FHOD3: variants seen among roughly 807,000 people sequenced by gnomAD.
FHOD3 encodes FH1/FH2 domain-containing protein 3.
A neutral mutation model predicts 173.0 loss-of-function variants in FHOD3; 90 were observed. The observed-to-expected ratio is 0.52, with a 90% CI of 0.44 to 0.62. FHOD3 has a LOEUF of 0.62. FHOD3 is among the 20% of genes least tolerant of loss of function. The pLI is 0.00. For synonymous variants in FHOD3, 828 were observed against 823.0 expected (o/e 1.01, Z -0.10); for missense variants, 1,945 against 2,034.7 (o/e 0.96, Z 0.85).
chr18:36,493,228 T>C (rs2054560591), intron 3 of FHOD3, among the ~76,000 whole-genome samples: 1 of 151,566 alleles, frequency 6.6e-6, no homozygotes, highest in Non-Finnish European at 1.5e-5. Flanking sequence ...TTTTTTTTTT[T>C]TTTACAACTT....
At position 36,612,031 on chromosome 18, in the gene FHOD3, C is replaced by T; in HGVS notation, c.893C>T (p.Ser298Phe). The change falls in exon 9 of 29, where the codon TCC becomes TTC. Residue 298 changes from serine to phenylalanine, a missense_variant. Ser to Phe is a radical substitution (Grantham distance 155). This residue lies in a region of FHOD3 where 1,099 missense variants were observed against 1,051.2 expected (regional missense o/e 1.05). Coordinates refer to ENST00000590592, the MANE Select transcript of FHOD3 (RefSeq NM_001281740.3). The stretch of plus-strand genomic sequence containing the variant: ...GAGGAGCTGGGCATTGCTGCTGTGT[C>T]CCAGAGGCACTTGAACAAGAAAGGG... ...CLEELGIAAV[S>F]QRHLNKKGTD... is the part of the protein sequence containing the mutation. 6.2e-7 allele frequency: 1 copy of T among 1,614,114 alleles called. No homozygotes were observed. The highest frequency in any genetic ancestry group is 1.3e-5 in the African/African-American group (1 of 75,028).
At position 36,769,257 on chromosome 18, in the gene FHOD3, AT is replaced by A; in HGVS notation, c.4625-3del. 2 of 1,613,576 alleles carry A rather than the reference AT, an allele frequency of 1.2e-6. No individual in the cohort carries two copies. The highest frequency in any genetic ancestry group is 1.7e-6 in the Non-Finnish European group (2 of 1,179,740). On this transcript the variant is annotated splice_polypyrimidine_tract_variant and splice_region_variant and intron_variant, in intron 27 of 28. Coordinates refer to ENST00000590592, the MANE Select transcript of FHOD3 (RefSeq NM_001281740.3). ...GTATGTTGTGCACTCTGGCTGTTTA[AT>A]TTTTAGGATCCACTAGTTCCTGGAC... is the stretch of plus-strand genomic sequence containing the variant.
intron 2 of FHOD3, among the ~76,000 whole-genome samples, chr18:36,364,454 C>T (rs1007431597): frequency 1.3e-5 from 2 of 152,118 alleles, no homozygotes; most frequent in Non-Finnish European, 2.9e-5. Flanking sequence ...GCCAGACGCT[C>T]GAGGGCACAG....
At chr18:36,622,353 T>G (rs2033781528) in intron 9 of FHOD3, among the ~76,000 whole-genome samples, 1 of 152,090 alleles carries the variant, frequency 6.6e-6, no homozygotes, top group African/African-American at 2.4e-5. Context: ...CTACAATAAA[T>G]AAAAAGAAAA....
intron 27 of FHOD3, among the ~76,000 whole-genome samples, chr18:36,763,466 T>C (rs1477199738): frequency 6.9e-6 from 1 of 144,142 alleles, no homozygotes; most frequent in East Asian, 1.9e-4. Flanking sequence ...ATTATACACG[T>C]TATATATAAT....
chr18:36,747,395 C>T (rs190045029), intron 24 of FHOD3, among the ~76,000 whole-genome samples: 10 of 152,304 alleles, frequency 6.6e-5, no homozygotes, highest in East Asian at 1.9e-4. Flanking sequence ...TCAGGAACTG[C>T]GTCTGTAAGA....
At chr18:36,769,199 C>A in intron 27 of FHOD3, 66 bp from the exon 28 acceptor site, 1 of 1,560,652 alleles carries the variant, frequency 6.4e-7, no homozygotes, top group Non-Finnish European at 8.7e-7. Flanking sequence ...TGGAGGAATA[C>A]TGCTGCATAT....
intron 17 of FHOD3, among the ~76,000 whole-genome samples, chr18:36,704,765 G>A (rs984599927): frequency 9.2e-5 from 14 of 152,132 alleles, no homozygotes; most frequent in African/African-American, 3.4e-4. Flanking sequence ...GGCAGTTCCT[G>A]TGAAGTGCTC....
intron 3 of FHOD3, among the ~76,000 whole-genome samples, chr18:36,429,144 C>T (rs2050402334): frequency 6.6e-6 from 1 of 152,128 alleles, no homozygotes; most frequent in Admixed American, 6.5e-5. Context: ...AAGTCCCTGC[C>T]ACCAGGAAGT....
chr18:36,359,650 G>C (rs1007627573), intron 2 of FHOD3, among the ~76,000 whole-genome samples: 1 of 152,162 alleles, frequency 6.6e-6, no homozygotes, highest in Non-Finnish European at 1.5e-5. Flanking sequence ...GAGGGGTCCT[G>C]ATGGGGTCTC....
intron 3 of FHOD3, among the ~76,000 whole-genome samples, chr18:36,478,516 A>AT (rs1024344085): frequency 2.7e-5 from 4 of 145,652 alleles, no homozygotes; most frequent in Non-Finnish European, 4.6e-5. Context: ...CATTCTTTCT[A>AT]TTTTTTTTGT....
At chr18:36,479,080 C>T (rs1196974764) in intron 3 of FHOD3, among the ~76,000 whole-genome samples, 1 of 152,206 alleles carries the variant, frequency 6.6e-6, no homozygotes, top group Non-Finnish European at 1.5e-5. Context: ...TCCTGCGTGT[C>T]CCTTTCCAGT....
rs183233412 is a variant in FHOD3 at position 36,423,669 on chromosome 18, A to G, written c.337+50925A>G. On this transcript the variant is annotated intron_variant, in intron 3 of 28. Coordinates refer to ENST00000590592, the MANE Select transcript of FHOD3 (RefSeq NM_001281740.3). ...GAAGCACCATGTGTCAACAGTACACACTTCTGAAGGTGGAAGAAGAATGAC... is the reference window on the plus strand; with the variant it reads ...GAAGCACCATGTGTCAACAGTACACGCTTCTGAAGGTGGAAGAAGAATGAC... Among the ~76,000 whole-genome samples, 30 of 152,344 alleles carry G rather than the reference A, an allele frequency of 2.0e-4. 1 individual carries two copies. In the East Asian group the frequency reaches 4.8e-3, roughly 24 times the overall value.
chr18:36,558,045 A>G (rs1251231805), intron 5 of FHOD3, among the ~76,000 whole-genome samples: 3 of 152,182 alleles, frequency 2.0e-5, no homozygotes, highest in Non-Finnish European at 4.4e-5. Flanking sequence ...AATGCTGGGT[A>G]CTTTTCTTTC....
intron 17 of FHOD3, among the ~76,000 whole-genome samples, chr18:36,700,717 A>G (rs1167288222): frequency 6.6e-6 from 1 of 152,154 alleles, no homozygotes; most frequent in Non-Finnish European, 1.5e-5. Context: ...GTGGCTCTCC[A>G]TTATCTACCA....
intron 5 of FHOD3, among the ~76,000 whole-genome samples, chr18:36,565,166 A>G (rs1479501483): frequency 6.6e-6 from 1 of 152,204 alleles, no homozygotes. Context: ...AAGAATGTCA[A>G]CAATATCAAC....
At chr18:36,488,002 A>G (rs138080352) in intron 3 of FHOD3, among the ~76,000 whole-genome samples, 2,431 of 152,304 alleles carry the variant, frequency 0.016, 30 homozygotes, top group Non-Finnish European at 0.024. Flanking sequence ...ATATTATTTT[A>G]CTGTTGTTCT....
At chr18:36,497,586 CAG>C (rs888845216) in intron 3 of FHOD3, among the ~76,000 whole-genome samples, 1 of 152,256 alleles carries the variant, frequency 6.6e-6, no homozygotes, top group East Asian at 1.9e-4. Context: ...GACTTTAAAA[CAG>C]GGAATATTGA....
At position 36,730,725 on chromosome 18, in the gene FHOD3, C is replaced by T. The variant is rs768331030; in HGVS notation, c.3497C>T (p.Thr1166Met). The T allele has an allele frequency of 1.8e-5, 29 of 1,613,968 alleles. No individual in the cohort carries two copies. Among genetic ancestry groups the T allele is most frequent in the Non-Finnish European group, 1.9e-5 (23 of 1,179,978 alleles). The change falls in exon 20 of 29, where the codon ACG becomes ATG. Residue 1166 changes from threonine to methionine, a missense_variant. Transcript: ENST00000590592. ...KRSNAINIGL[T>M]VLPPPRTIKI... is the part of the protein sequence containing the mutation. ...AGTAACGCCATCAATATTGGTCTGA[C>T]GGTGCTGCCCCCTCCAAGGACGATT... is the stretch of plus-strand genomic sequence containing the variant.
Sources: allele counts gnomAD v4.1 joint callset (sites outside exome capture counted in the v4.1 genomes callset), GRCh38; gene constraint gnomAD v4.1.1; regional missense constraint gnomAD v4.1.1; transcripts MANE v1.5; gene names NCBI Gene and HGNC (gene_info 2026-07-23, HGNC 2026-07-21).